OSBPL5: variants seen among roughly 807,000 people sequenced by gnomAD.
The protein encoded by OSBPL5 is oxysterol binding protein like 5, also known as oxysterol-binding protein-related protein 5.
OSBPL5 carries 71 observed loss-of-function variants against 111.2 expected under a neutral mutation model. The observed-to-expected ratio is 0.64, with a 90% CI of 0.53 to 0.78. The LOEUF is 0.78. OSBPL5 is among the 30% of genes least tolerant of loss of function. The pLI is 0.00. For missense variants in OSBPL5, 1,210 were observed against 1,189.3 expected (o/e 1.02, Z -0.26); for synonymous variants, 549 against 513.9 (o/e 1.07, Z -0.93).
Position 3,107,370 on chromosome 11 carries a change from C to T in OSBPL5, c.952G>A (p.Asp318Asn), listed in dbSNP as rs1857738882. Residue 318 changes from aspartate to asparagine, a missense_variant, in exon 9 of 22, where the codon GAC becomes AAC. By Grantham distance (23) the Asp-to-Asn change is conservative (BLOSUM62 1). Coordinates refer to ENST00000263650, the MANE Select transcript of OSBPL5 (RefSeq NM_020896.4). The surrounding 1 kb of genome is among the most constrained non-coding windows in gnomAD (Gnocchi z 6.1). ...CCACTCTCCGTCTTCCGGCTATGGT[C>T]CTGGGTCTCGGTATCTGACTCCTCA... ...NPEESDTETQ[D>N]HSRKTESGSD... 1 of 1,613,970 alleles carries T rather than the reference C, an allele frequency of 6.2e-7. No homozygotes were observed. Among genetic ancestry groups the T allele is most frequent in the African/African-American group, 1.3e-5 (1 of 74,900 alleles).
At position 3,121,925 on chromosome 11, in the gene OSBPL5, T is replaced by C; in HGVS notation, c.402+72A>G. On this transcript the variant is annotated intron_variant, in intron 5 of 21. Coordinates refer to ENST00000263650, the MANE Select transcript of OSBPL5 (RefSeq NM_020896.4). This position sits in a 1 kb window ranked among gnomAD's most constrained non-coding sequence, Gnocchi z 4.3. ...ATTTCCATCGTTTCAGGCCACCTGG[T>C]TTATGGTCCTTTGTTATGGCAGCAG... The C allele has an allele frequency of 7.3e-7, 1 of 1,365,538 alleles. No individual in the cohort carries two copies. Among genetic ancestry groups the C allele is most frequent in the Non-Finnish European group, 1.0e-6 (1 of 992,650 alleles). The allele number at this position is 1,365,538 out of a possible 1,614,324, so 84.6% of individuals were successfully genotyped here. A position where few individuals can be genotyped will look rare whatever the true frequency, so the allele number is the denominator to read the frequency against.
At position 3,118,907 on chromosome 11, in the gene OSBPL5, C is replaced by T. The variant is rs146426725; in HGVS notation, c.691+640G>A. On this transcript the variant is annotated intron_variant, in intron 7 of 21. Transcript: ENST00000263650. ...TTTCTAAATTAACTGAGACCTGTCT[C>T]AGATGTTTGGGGTTCACACTGGCAT... 4.6e-3 allele frequency among the ~76,000 whole-genome samples: 696 copies of T among 151,958 alleles called. 4 individuals carry two copies. The highest frequency in any genetic ancestry group is 0.016 in the African/African-American group (680 of 41,446).
At chr11:3,098,341 GGAGT>G (rs1857342263) in intron 14 of OSBPL5, among the ~76,000 whole-genome samples, 1 of 151,526 alleles carries the variant, frequency 6.6e-6, no homozygotes, top group Admixed American at 6.6e-5. Flanking sequence ...GGAGAAATCA[GGAGT>G]GAGGCACTTA....
chr11:3,140,850 C>G lies in OSBPL5; in HGVS notation c.-21-11681G>C, dbSNP rs1296880015. 2.0e-5 allele frequency among the ~76,000 whole-genome samples: 3 copies of G among 152,062 alleles called. No homozygotes were observed. The highest frequency in any genetic ancestry group is 7.2e-5 in the African/African-American group (3 of 41,414). On this transcript the variant is annotated intron_variant, in intron 1 of 21. Transcript: ENST00000263650. This position sits in a 1 kb window ranked among gnomAD's most constrained non-coding sequence, Gnocchi z 4.5. Reference sequence around the variant, plus strand: ...GGTGAGGTGCCTACCCCACCCCTACCCGCCCATGCAGAGCTGCAGCTGGTG... The same window carrying G: ...GGTGAGGTGCCTACCCCACCCCTACGCGCCCATGCAGAGCTGCAGCTGGTG...
In OSBPL5 at chr11:3,126,729, C is replaced by T; in HGVS notation, c.137-174G>A. The T allele has an allele frequency of 2.0e-6, 1 of 512,540 alleles. No homozygotes were observed. The highest frequency in any genetic ancestry group is 3.4e-5 in the East Asian group (1 of 29,508). The allele number at this position is 512,540 out of a possible 1,614,324, so 31.7% of individuals were successfully genotyped here. On this transcript the variant is annotated intron_variant, in intron 2 of 21. Transcript: ENST00000263650. This position sits in a 1 kb window ranked among gnomAD's most constrained non-coding sequence, Gnocchi z 6.5. Reference sequence around the variant, plus strand: ...ACTGCCTGAGAGGTGTAATAAACGCCAGCAAGCGTCACTGTGGGAGGAGTG... The same window carrying T: ...ACTGCCTGAGAGGTGTAATAAACGCTAGCAAGCGTCACTGTGGGAGGAGTG...
rs1846339561 is a variant in OSBPL5, at chr11:3,146,248, C to CA, written c.-21-17080_-21-17079insT. 6.6e-6 allele frequency: 1 copy of CA among 152,204 alleles called. No individual in the cohort carries two copies. Among genetic ancestry groups the CA allele is most frequent in the South Asian group, 2.1e-4 (1 of 4,822 alleles). The allele number at this position is 152,204 out of a possible 1,614,324, so 9.4% of individuals were successfully genotyped here. A position where few individuals can be genotyped will look rare whatever the true frequency, so the allele number is the denominator to read the frequency against. On this transcript the variant is annotated intron_variant, in intron 1 of 21. Coordinates refer to ENST00000263650, the MANE Select transcript of OSBPL5 (RefSeq NM_020896.4). The surrounding 1 kb of genome is among the most constrained non-coding windows in gnomAD (Gnocchi z 7.8). The stretch of plus-strand genomic sequence containing the variant: ...GCCCTTATGAGCTGCGCCCCCACCC[C>CA]CAAACCCACCTCTGGGGAAGTCTGT...
chr11:3,089,964 G>C lies in OSBPL5; in HGVS notation c.2399-16C>G. 1 of 1,516,096 alleles carries C rather than the reference G, an allele frequency of 6.6e-7. No homozygotes were observed. The allele number at this position is 1,516,096 out of a possible 1,614,324, so 93.9% of individuals were successfully genotyped here. ...CTCTCACCGCCTGGGACGGCCCCGA[G>C]TGAGACAAAGGAGGGGAGGGGAGGA... On this transcript the variant is annotated splice_polypyrimidine_tract_variant and intron_variant, in intron 20 of 21. Coordinates refer to ENST00000263650, the MANE Select transcript of OSBPL5 (RefSeq NM_020896.4).
intron 7 of OSBPL5, among the ~76,000 whole-genome samples, chr11:3,116,503 A>C (rs541667961): frequency 2.6e-5 from 4 of 152,342 alleles, no homozygotes; most frequent in Admixed American, 2.6e-4. Flanking sequence ...TGGAGAGCTG[A>C]AATGTTCATA....
chr11:3,094,422 C>T, intron 14 of OSBPL5, 88 bp from the exon 15 acceptor site: 1 of 1,018,396 alleles, frequency 9.8e-7, no homozygotes, highest in Non-Finnish European at 1.5e-6. Context: ...AGCACCGATC[C>T]CTGAGTCCCG....
rs776345252 is a variant in OSBPL5, at chr11:3,104,069, G to A, written c.1244+124C>T. The A allele has an allele frequency of 1.7e-6, 2 of 1,184,296 alleles. No homozygotes were observed. The highest frequency in any genetic ancestry group is 3.1e-5 in the South Asian group (2 of 65,150). The allele number at this position is 1,184,296 out of a possible 1,614,324, so 73.4% of individuals were successfully genotyped here. ...GGGAGGCTACAGCTGCAGAAACAGTGGGCTGAGATCAGCCATGGGATTCTC... is the reference window on the plus strand; with the variant it reads ...GGGAGGCTACAGCTGCAGAAACAGTAGGCTGAGATCAGCCATGGGATTCTC... On this transcript the variant is annotated intron_variant, in intron 10 of 21. Transcript: ENST00000263650. The surrounding 1 kb of genome is among the most constrained non-coding windows in gnomAD (Gnocchi z 5.0).
At chr11:3,136,698 C>A (rs558637786) in intron 1 of OSBPL5, among the ~76,000 whole-genome samples, 1 of 152,292 alleles carries the variant, frequency 6.6e-6, no homozygotes, top group South Asian at 2.1e-4. Context: ...AAGGCGCCTG[C>A]AGAGGTGAGT....
rs895556 is a variant in OSBPL5, at chr11:3,161,944, C to G, written c.-22+3272G>C. Among the ~76,000 whole-genome samples, 98,649 of 150,134 alleles carry G rather than the reference C, an allele frequency of 0.66. 33,377 individuals carry two copies. Among genetic ancestry groups the G allele is most frequent in the African/African-American group, 0.79 (32,077 of 40,682 alleles). ...CCCTGGAGTAAGAAGCCGGGGCTGA[C>G]GCCAGACCCCTGTGAGCAAGGAGGG... On this transcript the variant is annotated intron_variant, in intron 1 of 21. Transcript: ENST00000263650. This position sits in a 1 kb window ranked among gnomAD's most constrained non-coding sequence, Gnocchi z 8.0.
chr11:3,100,414 G>A (rs1857413238), intron 13 of OSBPL5, among the ~76,000 whole-genome samples, 158 bp from the exon 14 acceptor site: 1 of 152,178 alleles, frequency 6.6e-6, no homozygotes, highest in Non-Finnish European at 1.5e-5. Flanking sequence ...ACCTCTCTGG[G>A]CCTCAGATTC....
chr11:3,125,843 G>A (rs1403248092), intron 3 of OSBPL5, among the ~76,000 whole-genome samples: 4 of 150,092 alleles, frequency 2.7e-5, no homozygotes, highest in Non-Finnish European at 4.4e-5. Context: ...TTGGCCGGCC[G>A]TGGTGGCGGG....
rs1283906180 is a variant in OSBPL5 at position 3,092,400 on chromosome 11, C to T, written c.2259+32G>A. On this transcript the variant is annotated intron_variant, in intron 19 of 21. Coordinates refer to ENST00000263650, the MANE Select transcript of OSBPL5 (RefSeq NM_020896.4). This position sits in a 1 kb window ranked among gnomAD's most constrained non-coding sequence, Gnocchi z 5.4. ...GTGGTGGCCACACGTGCAGCTAAGA[C>T]CAGCCCTGGGTGGGGCCTGTGGGGT... The T allele has an allele frequency of 1.3e-6, 2 of 1,547,700 alleles. No homozygotes were observed. Among genetic ancestry groups the T allele is most frequent in the Non-Finnish European group, 1.8e-6 (2 of 1,142,634 alleles).
rs879537777 is a variant in OSBPL5 at position 3,141,065 on chromosome 11, G to A, written c.-21-11896C>T. On this transcript the variant is annotated intron_variant, in intron 1 of 21. Transcript: ENST00000263650. The surrounding 1 kb of genome is among the most constrained non-coding windows in gnomAD (Gnocchi z 6.5). ...TGGGGGTCAGCCCAATGCCTTGTAC[G>A]AAGAGGCCCCCAAAACAGGAATAAA... Among the ~76,000 whole-genome samples the A allele has an allele frequency of 3.3e-5, 5 of 152,000 alleles. No individual in the cohort carries two copies. Among genetic ancestry groups the A allele is most frequent in the Admixed American group, 1.3e-4 (2 of 15,278 alleles).
At chr11:3,099,139 C>T (rs1034994940) in intron 14 of OSBPL5, among the ~76,000 whole-genome samples, 8 of 152,120 alleles carry the variant, frequency 5.3e-5, no homozygotes, top group Non-Finnish European at 8.8e-5. Context: ...AAGTGAAAGA[C>T]GCCAATCTGA....
In OSBPL5 at chr11:3,130,414, GC is replaced by G. The variant is rs1304498462; in HGVS notation, c.-21-1246del. 2.0e-5 allele frequency among the ~76,000 whole-genome samples: 3 copies of G among 152,232 alleles called. No homozygotes were observed. The highest frequency in any genetic ancestry group is 4.4e-5 in the Non-Finnish European group (3 of 68,040). ...ATGGTCCTGGGCTTTGCTGGGGGGG[GC>G]CTCAGACACACAGAGACTTTCCTGC... On this transcript the variant is annotated intron_variant, in intron 1 of 21. Transcript: ENST00000263650. This position sits in a 1 kb window ranked among gnomAD's most constrained non-coding sequence, Gnocchi z 4.5.
intron 1 of OSBPL5, among the ~76,000 whole-genome samples, chr11:3,143,409 C>T (rs1184919439): frequency 6.6e-6 from 1 of 152,218 alleles, no homozygotes; most frequent in African/African-American, 2.4e-5. Context: ...CACGCACGCT[C>T]CCAGCAGCAT....
Sources: gnomAD v4.1 joint callset for allele counts (sites outside exome capture counted in the v4.1 genomes callset) on GRCh38, gnomAD v4.1.1 for gene constraint, Gnocchi (gnomAD v3.1) non-coding constraint, MANE v1.5 for transcripts, NCBI Gene and HGNC (gene_info 2026-07-23, HGNC 2026-07-21) for gene names.